Variants in MYL12B observed in about 807,000 individuals in gnomAD.
MYL12B encodes the protein myosin regulatory light chain 12B.
In MYL12B, 3 loss-of-function variants were observed where a neutral mutation model predicts 12.9. The ratio of observed to expected loss-of-function variants is 0.23; its 90% confidence interval spans 0.11 to 0.60. The LOEUF is 0.60. Among genes scored for constraint, MYL12B ranks in the 20% least tolerant of loss-of-function variants. MYL12B has a pLI of 0.89. For synonymous variants in MYL12B, 57 were observed against 71.9 expected, an observed-to-expected ratio of 0.79 and a Z score of 1.05; for missense variants, 120 against 215.4, an observed-to-expected ratio of 0.56 and a Z score of 2.77.
At chr18:3,277,693 A>T (rs6506102) in intron 3 of MYL12B, 72 bp from the exon 4 acceptor site, 1,460,860 of 1,503,884 alleles carry the variant, frequency 0.97, 710,027 homozygotes, top group Non-Finnish European at 0.98. Flanking sequence ...TACGATTGAC[A>T]AGCTTTAGGA....
At position 3,273,861 on chromosome 18, in the gene MYL12B, T is replaced by TTTTTTC. The variant is rs57723482; in HGVS notation, c.184+779_184+780insTTTTTC. ...AAGAAAGAGGTGGGGGTTTTTTTTT[T>TTTTTTC]CTCTCTTTTAATGCCTACAAAATGA... On this transcript the variant is annotated intron_variant, in intron 2 of 3. Transcript: ENST00000237500. Among the ~76,000 whole-genome samples, 103 of 142,972 alleles carry TTTTTTC rather than the reference T, an allele frequency of 7.2e-4. 1 individual carries two copies. The highest frequency in any genetic ancestry group is 1.1e-3 in the Non-Finnish European group (74 of 66,818). The allele number at this position is 142,972 out of a possible 152,430, so 93.8% of individuals were successfully genotyped here.
chr18:3,276,662 C>G, intron 2 of MYL12B: 2 of 647,074 alleles, frequency 3.1e-6, no homozygotes, highest in Non-Finnish European at 3.8e-6. Flanking sequence ...ATCTGTACCA[C>G]AACTGGAAGT....
intron 2 of MYL12B, among the ~76,000 whole-genome samples, 158 bp downstream of exon 2, chr18:3,273,240 G>A (rs768493840): frequency 1.7e-4 from 26 of 152,264 alleles, no homozygotes; most frequent in Middle Eastern, 6.8e-3. Context: ...GGCTTGGCCA[G>A]TCATATGGAG....
At chr18:3,267,653 T>C (rs766768741) in intron 1 of MYL12B, among the ~76,000 whole-genome samples, 35 of 152,240 alleles carry the variant, frequency 2.3e-4, no homozygotes, top group Non-Finnish European at 4.7e-4. Context: ...CAGAGAGAGA[T>C]CTCATTCACA....
intron 1 of MYL12B, among the ~76,000 whole-genome samples, chr18:3,268,895 A>G (rs1305146192): frequency 6.6e-6 from 1 of 152,164 alleles, no homozygotes; most frequent in East Asian, 1.9e-4. Flanking sequence ...TTTAATGTAC[A>G]TAATGTTTCT....
chr18:3,267,628 A>G (rs896655386), intron 1 of MYL12B, among the ~76,000 whole-genome samples: 2 of 152,236 alleles, frequency 1.3e-5, no homozygotes, highest in Non-Finnish European at 2.9e-5. Context: ...TGAGTACAGT[A>G]CAGTGAGATA....
chr18:3,271,046 C>G (rs1270460183), intron 1 of MYL12B, among the ~76,000 whole-genome samples: 1 of 152,162 alleles, frequency 6.6e-6, no homozygotes, highest in Non-Finnish European at 1.5e-5. Context: ...AAATTACTTG[C>G]TGATACTGAG....
At chr18:3,269,694 T>C (rs1039713367) in intron 1 of MYL12B, among the ~76,000 whole-genome samples, 9 of 152,058 alleles carry the variant, frequency 5.9e-5, no homozygotes, top group African/African-American at 2.2e-4. Flanking sequence ...TGAAAGTTGA[T>C]GAGATCATCC....
intron 2 of MYL12B, among the ~76,000 whole-genome samples, chr18:3,275,751 A>G (rs1392323518): frequency 6.6e-6 from 1 of 151,854 alleles, no homozygotes; most frequent in East Asian, 1.9e-4. Flanking sequence ...CGTTCTCTTC[A>G]CACCTTTTGG....
At chr18:3,273,968 T>C (rs966452797) in intron 2 of MYL12B, among the ~76,000 whole-genome samples, 5 of 152,194 alleles carry the variant, frequency 3.3e-5, no homozygotes, top group African/African-American at 1.2e-4. Flanking sequence ...TGTGTACTTA[T>C]TCCTATCCAA....
At chr18:3,277,223 C>T in intron 2 of MYL12B, 30 bp from the exon 3 acceptor site, 1 of 1,519,762 alleles carries the variant, frequency 6.6e-7, no homozygotes, top group Non-Finnish European at 8.9e-7. Context: ...ATGTTTTTGT[C>T]TTTAAATGTT....
chr18:3,263,639 G>A (rs80082042), intron 1 of MYL12B, among the ~76,000 whole-genome samples: 16,602 of 152,190 alleles, frequency 0.11, 958 homozygotes, highest in Non-Finnish European at 0.13. Context: ...CCCGACATGG[G>A]GCTAGTTTTC....
chr18:3,274,639 G>A lies in MYL12B; in HGVS notation c.184+1557G>A, dbSNP rs143632118. Among the ~76,000 whole-genome samples the A allele has an allele frequency of 3.5e-4, 54 of 152,312 alleles. No homozygotes were observed. In the East Asian group the frequency reaches 8.7e-3, roughly 24 times the overall value. On this transcript the variant is annotated intron_variant, in intron 2 of 3. Transcript: ENST00000237500. ...GAACATGGTTTGAACACTCAGCAGT[G>A]TATGAATGGTTGAAGTATGGCTGCT...
chr18:3,272,268 G>A (rs1339060537), intron 1 of MYL12B: 5 of 799,902 alleles, frequency 6.3e-6, no homozygotes, highest in Non-Finnish European at 7.6e-6. Flanking sequence ...GCTCAGAGAG[G>A]TTATGTTATA....
At chr18:3,264,476 G>T (rs928716609) in intron 1 of MYL12B, among the ~76,000 whole-genome samples, 5 of 152,064 alleles carry the variant, frequency 3.3e-5, no homozygotes, top group African/African-American at 1.2e-4. Context: ...AGCCAATGTG[G>T]GGGGATCATT....
intron 2 of MYL12B, 194 bp from the exon 3 acceptor site, chr18:3,277,059 C>T (rs142388189): frequency 1.1e-6 from 1 of 952,040 alleles, no homozygotes. Context: ...GCCTGGAATA[C>T]ATTTTTATAA....
intron 2 of MYL12B, 25 bp from the exon 3 acceptor site, chr18:3,277,228 A>T (rs983067924): frequency 4.1e-5 from 62 of 1,526,184 alleles, no homozygotes; most frequent in Non-Finnish European, 5.2e-5. Context: ...TTTGTCTTTA[A>T]ATGTTAAAAT....
intron 1 of MYL12B, among the ~76,000 whole-genome samples, chr18:3,265,806 CCAAAAGAATAGGATGG>C (rs2081630098): frequency 6.6e-6 from 1 of 151,856 alleles, no homozygotes; most frequent in East Asian, 1.9e-4. Flanking sequence ...AGGAATTCAG[CCAAAAGAATAGGATGG>C]TGGTGGTGGG....
chr18:3,273,700 G>A (rs2081702301), intron 2 of MYL12B, among the ~76,000 whole-genome samples: 1 of 152,138 alleles, frequency 6.6e-6, no homozygotes, highest in South Asian at 2.1e-4. Flanking sequence ...ACAGTTGGGA[G>A]TCAAGGAACT....
Sources: allele counts gnomAD v4.1 joint callset (sites outside exome capture counted in the v4.1 genomes callset), GRCh38; gene constraint gnomAD v4.1.1; transcripts MANE v1.5; gene names NCBI Gene and HGNC (gene_info 2026-07-23, HGNC 2026-07-21).